The following MAP4K4 variants were observed in gnomAD, a reference collection of about 807,000 sequenced individuals.
MAP4K4 encodes the protein mitogen-activated protein kinase kinase kinase kinase 4.
Under a neutral mutation model 189.6 loss-of-function variants are expected in MAP4K4, and 38 were observed. That is an observed-to-expected ratio of 0.20 (90% CI 0.15 to 0.26). MAP4K4 has a LOEUF of 0.26. MAP4K4 is among the 10% of genes least tolerant of loss of function. The pLI, the probability that MAP4K4 is intolerant of heterozygous loss-of-function variation, is 1.00. For missense variants in MAP4K4, 1,054 were observed against 1,726.9 expected, an observed-to-expected ratio of 0.61 and a Z score of 6.91; for synonymous variants, 610 against 624.3, an observed-to-expected ratio of 0.98 and a Z score of 0.34.
At chr2:101,873,616 T>C in intron 24 of MAP4K4, 31 bp from the exon 25 acceptor site, 1 of 1,133,688 alleles carries the variant, frequency 8.8e-7, no homozygotes. Flanking sequence ...AAATGCCAGT[T>C]GTATTAATAA....
At chr2:101,860,408 T>G (rs1559225136) in intron 15 of MAP4K4, 1 of 183,858 alleles carries the variant, frequency 5.4e-6, no homozygotes, top group South Asian at 1.1e-4. Flanking sequence ...GTGTCTGCCC[T>G]CACAGGCAGT....
At chr2:101,702,726 A>G (rs1174283552) in intron 2 of MAP4K4, among the ~76,000 whole-genome samples, 2 of 152,170 alleles carry the variant, frequency 1.3e-5, no homozygotes, top group African/African-American at 4.8e-5. Context: ...CAAAGGAGGG[A>G]CCATAGATTT....
chr2:101,890,108 G>A (rs967191932), intron 32 of MAP4K4, among the ~76,000 whole-genome samples: 1 of 152,148 alleles, frequency 6.6e-6, no homozygotes, highest in Non-Finnish European at 1.5e-5. Context: ...TGCATGTCAT[G>A]TCCTTTAAGA....
chr2:101,719,850 A>G (rs13021748), intron 2 of MAP4K4, among the ~76,000 whole-genome samples: 1 of 152,020 alleles, frequency 6.6e-6, no homozygotes, highest in African/African-American at 2.4e-5. Flanking sequence ...CGTCTCTACT[A>G]AAAATACAAA....
chr2:101,811,715 A>T (rs748377815), intron 3 of MAP4K4, among the ~76,000 whole-genome samples: 11 of 152,144 alleles, frequency 7.2e-5, no homozygotes, highest in Non-Finnish European at 1.2e-4. Context: ...GTTCGTGCTT[A>T]CTGAATGCAT....
chr2:101,764,752 A>G (rs2077871588), intron 2 of MAP4K4, among the ~76,000 whole-genome samples: 1 of 152,286 alleles, frequency 6.6e-6, no homozygotes, highest in African/African-American at 2.4e-5. Context: ...AATATAACCA[A>G]GACCCTGACC....
At chr2:101,718,381 A>G (rs896788373) in intron 2 of MAP4K4, among the ~76,000 whole-genome samples, 12 of 152,122 alleles carry the variant, frequency 7.9e-5, no homozygotes, top group Non-Finnish European at 1.6e-4. Context: ...CTAAAGACAC[A>G]TAGCTAGGAA....
chr2:101,812,904 G>C (rs2095516820), intron 3 of MAP4K4, among the ~76,000 whole-genome samples: 2 of 152,158 alleles, frequency 1.3e-5, no homozygotes, highest in South Asian at 2.1e-4. Flanking sequence ...GAGGTGGGCG[G>C]ATCACGAAGT....
At chr2:101,730,691 T>C (rs1456606437) in intron 2 of MAP4K4, among the ~76,000 whole-genome samples, 1 of 152,164 alleles carries the variant, frequency 6.6e-6, no homozygotes, top group Non-Finnish European at 1.5e-5. Flanking sequence ...TTTGAATTTT[T>C]CCCCTTAAGA....
intron 2 of MAP4K4, among the ~76,000 whole-genome samples, chr2:101,705,357 C>T (rs919394296): frequency 2.6e-5 from 4 of 152,164 alleles, no homozygotes; most frequent in Admixed American, 2.6e-4. Flanking sequence ...GTCAGTCATA[C>T]ATTCTGTGTT....
intron 2 of MAP4K4, among the ~76,000 whole-genome samples, chr2:101,770,615 A>G (rs957562869): frequency 6.6e-6 from 1 of 152,186 alleles, no homozygotes; most frequent in Non-Finnish European, 1.5e-5. Flanking sequence ...AAAATATTAC[A>G]GTATGAAGCT....
At chr2:101,860,977 G>A (rs1197084979) in exon 16 of MAP4K4, 3 of 1,597,432 alleles carry the variant, frequency 1.9e-6, no homozygotes, top group East Asian at 2.3e-5. Context: ...AGAGACCAGC[G>A]GAGCCACAGG....
intron 2 of MAP4K4, among the ~76,000 whole-genome samples, chr2:101,701,211 C>T (rs2038474644): frequency 6.6e-6 from 1 of 152,078 alleles, no homozygotes; most frequent in Non-Finnish European, 1.5e-5. Context: ...TATTTTGAGG[C>T]AACTATATTT....
At chr2:101,802,726 C>G (rs543708280) in intron 3 of MAP4K4, among the ~76,000 whole-genome samples, 3 of 152,318 alleles carry the variant, frequency 2.0e-5, no homozygotes, top group Admixed American at 6.5e-5. Context: ...AGTGCCTCCA[C>G]CATGCCACTA....
chr2:101,858,794 T>C (rs1159761314), intron 13 of MAP4K4, among the ~76,000 whole-genome samples: 2 of 152,230 alleles, frequency 1.3e-5, no homozygotes, highest in Non-Finnish European at 2.9e-5. Flanking sequence ...ATGCATATCA[T>C]CATTTGTTAG....
At chr2:101,816,241 ATC>A (rs1386921543) in intron 3 of MAP4K4, among the ~76,000 whole-genome samples, 2 of 152,152 alleles carry the variant, frequency 1.3e-5, no homozygotes, top group African/African-American at 4.8e-5. Context: ...GGGAGGATAA[ATC>A]ATCTGTCCTT....
chr2:101,759,486 C>T (rs1251216438), intron 2 of MAP4K4, among the ~76,000 whole-genome samples: 13 of 70,748 alleles, frequency 1.8e-4, no homozygotes, highest in Admixed American at 1.3e-4. Context: ...CTCCCCTCCC[C>T]TCCCCTCTCC....
chr2:101,745,137 T>C (rs1458350557), intron 2 of MAP4K4, among the ~76,000 whole-genome samples: 1 of 152,102 alleles, frequency 6.6e-6, no homozygotes. Flanking sequence ...GACAAGTATT[T>C]GATGGTGTGT....
intron 2 of MAP4K4, among the ~76,000 whole-genome samples, chr2:101,767,642 G>T (rs1366849975): frequency 6.6e-6 from 1 of 152,174 alleles, no homozygotes; most frequent in Admixed American, 6.5e-5. Flanking sequence ...TTAGAGATGG[G>T]TCTGCCTCTG....
Sources: allele counts gnomAD v4.1 joint callset (sites outside exome capture counted in the v4.1 genomes callset), GRCh38; gene constraint gnomAD v4.1.1; transcripts MANE v1.5; gene names NCBI Gene and HGNC (gene_info 2026-07-23, HGNC 2026-07-21).